NRG3: variants seen among roughly 807,000 people sequenced by gnomAD.
The protein encoded by NRG3 is neuregulin 3.
A neutral mutation model predicts 66.9 loss-of-function variants in NRG3; 31 were observed. The ratio of observed to expected loss-of-function variants is 0.46; its 90% CI spans 0.35 to 0.63. The LOEUF (loss-of-function observed/expected upper bound fraction) is 0.63, where lower values mean the gene tolerates loss of function less well. Ranked by LOEUF, NRG3 falls within the 20% of genes least tolerant of loss-of-function variation. The pLI is 0.00. For synonymous variants in NRG3, 393 were observed against 359.4 expected, an observed-to-expected ratio of 1.09 and a Z score of -1.06; for missense variants, 910 against 878.9, an observed-to-expected ratio of 1.04 and a Z score of -0.45.
intron 2 of NRG3, among the ~76,000 whole-genome samples, chr10:82,717,173 T>C (rs1268161548): frequency 6.6e-6 from 1 of 152,118 alleles, no homozygotes; most frequent in African/African-American, 2.4e-5. Context: ...GCATTGAAAT[T>C]AAGTAAGCTT....
intron 7 of NRG3, among the ~76,000 whole-genome samples, chr10:82,977,598 CAAAA>C (rs766341428): frequency 1.3e-4 from 7 of 55,428 alleles, no homozygotes; most frequent in African/African-American, 1.3e-4. Context: ...GACTCTGTCT[CAAAA>C]AAAAAAAAAA....
At chr10:82,679,080 A>G (rs7904341) in intron 2 of NRG3, among the ~76,000 whole-genome samples, 3,731 of 152,276 alleles carry the variant, frequency 0.025, 185 homozygotes, top group African/African-American at 0.085. Context: ...TAGTTTCATG[A>G]TCTACAAAAG....
intron 2 of NRG3, among the ~76,000 whole-genome samples, chr10:82,660,969 A>G (rs190142049): frequency 6.6e-6 from 1 of 152,218 alleles, no homozygotes; most frequent in Non-Finnish European, 1.5e-5. Context: ...TATTTATGTA[A>G]GTCAGATGGA....
In NRG3 at chr10:82,316,053, A is replaced by G. The variant is rs116719592; in HGVS notation, c.824-42686A>G. Reference sequence around the variant, plus strand: ...GGAAATTCAGTTCTGACCACAAGCAATGGTGTTGTTAGTGTGAGAACCTGG... The same window carrying G: ...GGAAATTCAGTTCTGACCACAAGCAGTGGTGTTGTTAGTGTGAGAACCTGG... On this transcript the variant is annotated intron_variant, in intron 1 of 8. Coordinates refer to ENST00000372141, the MANE Select transcript of NRG3 (RefSeq NM_001010848.4). 4.7e-3 allele frequency among the ~76,000 whole-genome samples: 720 copies of G among 152,200 alleles called. 5 individuals carry two copies. The highest frequency in any genetic ancestry group is 0.017 in the African/African-American group (688 of 41,512).
intron 2 of NRG3, among the ~76,000 whole-genome samples, chr10:82,577,644 G>A (rs1307205666): frequency 6.6e-6 from 1 of 151,588 alleles, no homozygotes; most frequent in Non-Finnish European, 1.5e-5. Context: ...CTATGACCTT[G>A]AACTCGGTAA....
intron 2 of NRG3, among the ~76,000 whole-genome samples, chr10:82,394,960 A>G (rs965094563): frequency 2.0e-5 from 3 of 152,286 alleles, no homozygotes; most frequent in African/African-American, 4.8e-5. Flanking sequence ...GCCATGCTTC[A>G]TAGTGGGTCC....
intron 2 of NRG3, among the ~76,000 whole-genome samples, chr10:82,613,784 C>G (rs1565127466): frequency 6.7e-6 from 1 of 150,246 alleles, no homozygotes; most frequent in Non-Finnish European, 1.5e-5. Flanking sequence ...TGTGCTGCAC[C>G]CATTAACTCG....
intron 2 of NRG3, among the ~76,000 whole-genome samples, chr10:82,695,737 T>G (rs961074815): frequency 6.6e-6 from 1 of 152,224 alleles, no homozygotes; most frequent in African/African-American, 2.4e-5. Context: ...TTTATTTTCC[T>G]TCTTCCATTG....
At chr10:82,406,182 A>G (rs2087504458) in intron 2 of NRG3, among the ~76,000 whole-genome samples, 1 of 152,202 alleles carries the variant, frequency 6.6e-6, no homozygotes, top group Admixed American at 6.5e-5. Flanking sequence ...CTGCATAGCA[A>G]TTATATTGCT....
intron 2 of NRG3, among the ~76,000 whole-genome samples, chr10:82,367,106 G>C (rs770138479): frequency 6.6e-6 from 1 of 152,078 alleles, no homozygotes; most frequent in Admixed American, 6.6e-5. Context: ...GACCAGGCTT[G>C]TTTATGTATA....
intron 4 of NRG3, among the ~76,000 whole-genome samples, chr10:82,911,494 T>C (rs999965592): frequency 6.6e-6 from 1 of 151,876 alleles, no homozygotes; most frequent in African/African-American, 2.4e-5. Flanking sequence ...TTTAAGGCAT[T>C]GATCAATTTT....
chr10:82,114,410 C>G lies in NRG3; in HGVS notation c.823+238247C>G, dbSNP rs369104810. ...GAGAGAAGGAATAAAAGAACCTGAA[C>G]GTGCTAAAAAATTCAAATTATTTTC... On this transcript the variant is annotated intron_variant, in intron 1 of 8. Transcript: ENST00000372141. Among the ~76,000 whole-genome samples, 5 of 152,238 alleles carry G rather than the reference C, an allele frequency of 3.3e-5. 1 individual carries two copies. The South Asian group carries it at 8.3e-4, about 25-fold the overall frequency.
chr10:82,249,084 C>T (rs2077371242), intron 1 of NRG3, among the ~76,000 whole-genome samples: 1 of 152,156 alleles, frequency 6.6e-6, no homozygotes, highest in Non-Finnish European at 1.5e-5. Context: ...ATAAGTCTGT[C>T]CTCTCTGAAA....
At position 82,616,461 on chromosome 10, in the gene NRG3, C is replaced by A. The variant is rs551780709; in HGVS notation, c.954-122116C>A. 3.3e-5 allele frequency among the ~76,000 whole-genome samples: 5 copies of A among 152,258 alleles called. No individual in the cohort carries two copies. In the East Asian group the frequency reaches 5.8e-4, roughly 18 times the overall value. On this transcript the variant is annotated intron_variant, in intron 2 of 8. Transcript: ENST00000372141. ...TTGGCTAGAGGTAATGGTGTAAGCA[C>A]TTTTTCCTGCCTTGTTAATCCCAGC... is the stretch of plus-strand genomic sequence containing the variant.
chr10:82,675,659 G>A (rs2053632280), intron 2 of NRG3, among the ~76,000 whole-genome samples: 1 of 152,136 alleles, frequency 6.6e-6, no homozygotes. Context: ...TTGGGGAAAG[G>A]CTGTTATCAT....
At chr10:82,291,334 G>T (rs2079734432) in intron 1 of NRG3, among the ~76,000 whole-genome samples, 1 of 152,018 alleles carries the variant, frequency 6.6e-6, no homozygotes, top group South Asian at 2.1e-4. Flanking sequence ...GCTGACAAAA[G>T]AAATAAAAAA....
chr10:82,258,229 T>A (rs1456345656), intron 1 of NRG3, among the ~76,000 whole-genome samples: 1 of 152,212 alleles, frequency 6.6e-6, no homozygotes, highest in African/African-American at 2.4e-5. Context: ...GAATGGAACG[T>A]TCCTAGGGAA....
intron 2 of NRG3, among the ~76,000 whole-genome samples, chr10:82,522,806 A>G (rs528378276): frequency 1.3e-4 from 20 of 152,294 alleles, no homozygotes; most frequent in Non-Finnish European, 2.4e-4. Flanking sequence ...CAATTTAGCA[A>G]TTTGAAATGT....
chr10:82,861,861 C>G (rs896822926), intron 3 of NRG3, among the ~76,000 whole-genome samples: 8 of 152,118 alleles, frequency 5.3e-5, no homozygotes, highest in African/African-American at 1.7e-4. Context: ...CTTCCTGCAA[C>G]CTCCTCTTCT....
Sources: allele counts gnomAD v4.1 joint callset (sites outside exome capture counted in the v4.1 genomes callset), GRCh38; gene constraint gnomAD v4.1.1; transcripts MANE v1.5; gene names NCBI Gene and HGNC (gene_info 2026-07-23, HGNC 2026-07-21).